Variants in CPPED1 observed in about 807,000 individuals in gnomAD.
CPPED1 encodes calcineurin like phosphoesterase domain containing 1, also known as serine/threonine-protein phosphatase CPPED1.
CPPED1 carries 28 observed loss-of-function variants against 28.0 expected under a neutral mutation model. That is an observed-to-expected ratio of 1.00 (90% confidence interval 0.74 to 1.37). The LOEUF is 1.37. Among genes scored for constraint, CPPED1 ranks in the 40% most tolerant of loss-of-function variants. CPPED1 has a pLI of 0.00. For missense variants in CPPED1, 504 were observed against 416.5 expected, an observed-to-expected ratio of 1.21 and a Z score of -1.83; for synonymous variants, 198 against 180.2, an observed-to-expected ratio of 1.10 and a Z score of -0.79.
At chr16:12,716,752 C>T (rs957237685) in intron 2 of CPPED1, among the ~76,000 whole-genome samples, 1 of 152,198 alleles carries the variant, frequency 6.6e-6, no homozygotes, top group African/African-American at 2.4e-5. Flanking sequence ...TTCAGGTAGG[C>T]ATTTATTCAA....
chr16:12,801,913 G>C (rs1024849459), intron 1 of CPPED1, among the ~76,000 whole-genome samples: 3 of 152,162 alleles, frequency 2.0e-5, no homozygotes, highest in African/African-American at 7.2e-5. Flanking sequence ...CAGAACTAGA[G>C]AGAATGAGGA....
Position 12,663,150 on chromosome 16 carries a change from C to G in CPPED1, c.*1736G>C, listed in dbSNP as rs145170969. On this transcript the variant is annotated 3_prime_UTR_variant, in exon 4 of 4. Transcript: ENST00000381774. ...GATCTTGGCTCACTGCAACCTCTGCCTCCTGAGTTCCAGCGATCTCCTGCC... is the reference window on the plus strand; with the variant it reads ...GATCTTGGCTCACTGCAACCTCTGCGTCCTGAGTTCCAGCGATCTCCTGCC... 5.3e-5 allele frequency: 8 copies of G among 151,988 alleles called. No homozygotes were observed. The highest frequency in any genetic ancestry group is 1.2e-4 in the Non-Finnish European group (8 of 68,124). 9.4% of individuals were successfully genotyped at this position (151,988 alleles called of 1,614,324 possible).
intron 2 of CPPED1, among the ~76,000 whole-genome samples, chr16:12,733,386 T>C (rs1055583849): frequency 6.6e-6 from 1 of 151,654 alleles, no homozygotes; most frequent in Admixed American, 6.6e-5. Flanking sequence ...GAGATTCTCA[T>C]GCCTCAGTCT....
At chr16:12,790,263 T>G (rs917735839) in intron 1 of CPPED1, among the ~76,000 whole-genome samples, 16 of 152,236 alleles carry the variant, frequency 1.1e-4, no homozygotes, top group African/African-American at 3.9e-4. Context: ...AATGTTTTCT[T>G]GGATTTGTCT....
chr16:12,703,858 G>C (rs2080033484), intron 3 of CPPED1, among the ~76,000 whole-genome samples: 2 of 152,154 alleles, frequency 1.3e-5, no homozygotes, highest in South Asian at 4.1e-4. Flanking sequence ...AAAGATAAAG[G>C]AGGTGGGTGG....
At chr16:12,715,151 A>C (rs2080100818) in intron 2 of CPPED1, among the ~76,000 whole-genome samples, 3 of 152,242 alleles carry the variant, frequency 2.0e-5, no homozygotes, top group Middle Eastern at 3.4e-3. Context: ...ATTAATCTCT[A>C]TGTTTATCTT....
intron 2 of CPPED1, chr16:12,753,781 C>T (rs988888415): frequency 3.3e-5 from 5 of 152,102 alleles, no homozygotes; most frequent in African/African-American, 1.2e-4. Context: ...CTACAGGAGC[C>T]CCCTCTCATT....
intron 1 of CPPED1, among the ~76,000 whole-genome samples, chr16:12,786,544 C>A (rs554669373): frequency 6.6e-6 from 1 of 152,176 alleles, no homozygotes; most frequent in African/African-American, 2.4e-5. Context: ...CTAAATATTT[C>A]TTATTTCTCT....
chr16:12,703,143 G>C (rs2080029361), intron 3 of CPPED1, among the ~76,000 whole-genome samples: 1 of 152,102 alleles, frequency 6.6e-6, no homozygotes. Context: ...TTGACGCTTT[G>C]TTTCCTTGTC....
At chr16:12,762,732 T>A (rs1596476035) in intron 2 of CPPED1, among the ~76,000 whole-genome samples, 1 of 152,204 alleles carries the variant, frequency 6.6e-6, no homozygotes, top group East Asian at 1.9e-4. Flanking sequence ...AGTTTCTTTC[T>A]GGGTTGATAA....
At chr16:12,688,730 T>C (rs1200740447) in intron 3 of CPPED1, among the ~76,000 whole-genome samples, 1 of 152,202 alleles carries the variant, frequency 6.6e-6, no homozygotes, top group Non-Finnish European at 1.5e-5. Flanking sequence ...GGGCCGATGC[T>C]TACTCCACCT....
At chr16:12,744,260 G>A (rs935947053) in intron 2 of CPPED1, among the ~76,000 whole-genome samples, 5 of 118,394 alleles carry the variant, frequency 4.2e-5, no homozygotes, top group Non-Finnish European at 7.0e-5. Flanking sequence ...GACAGAGCAA[G>A]ACTCTGTGAA....
chr16:12,724,227 C>A (rs1042633397), intron 2 of CPPED1, among the ~76,000 whole-genome samples: 1 of 152,124 alleles, frequency 6.6e-6, no homozygotes, highest in Non-Finnish European at 1.5e-5. Flanking sequence ...AAGACGTCCC[C>A]GAACTCACAG....
chr16:12,791,400 C>T lies in CPPED1; in HGVS notation c.71-9997G>A, dbSNP rs183308790. Among the ~76,000 whole-genome samples the T allele has an allele frequency of 7.2e-5, 11 of 152,254 alleles. No homozygotes were observed. In the East Asian group the frequency reaches 1.9e-3, roughly 27 times the overall value. On this transcript the variant is annotated intron_variant, in intron 1 of 3. Coordinates refer to ENST00000381774, the MANE Select transcript of CPPED1 (RefSeq NM_018340.3). The stretch of plus-strand genomic sequence containing the variant: ...TCCCTGCAAAGGACATGAGCTCATT[C>T]TTTTCTATGGCTGCACATCTTTCTT...
In CPPED1 at chr16:12,709,819, A is replaced by C. The variant is rs2080070299; in HGVS notation, c.290-4770T>G. Among the ~76,000 whole-genome samples the C allele has an allele frequency of 6.6e-6, 1 of 151,954 alleles. No individual in the cohort carries two copies. Among genetic ancestry groups the C allele is most frequent in the Admixed American group, 6.6e-5 (1 of 15,232 alleles). On this transcript the variant is annotated intron_variant, in intron 2 of 3. Coordinates refer to ENST00000381774, the MANE Select transcript of CPPED1 (RefSeq NM_018340.3). This position sits in a 1 kb window ranked among gnomAD's most constrained non-coding sequence, Gnocchi z 4.4. ...CAAGGAAGTCTGCTCTCACACTCTC[A>C]CTGAACATCATACTAGAAATCCTAG...
chr16:12,792,915 T>C (rs1041873943), intron 1 of CPPED1, among the ~76,000 whole-genome samples: 1 of 152,172 alleles, frequency 6.6e-6, no homozygotes, highest in Non-Finnish European at 1.5e-5. Context: ...ATTAGCAGCA[T>C]GAGAACGGAT....
chr16:12,704,273 C>T (rs1356634005), intron 3 of CPPED1, among the ~76,000 whole-genome samples: 1 of 152,200 alleles, frequency 6.6e-6, no homozygotes, highest in Non-Finnish European at 1.5e-5. Context: ...CCCCAATAAA[C>T]CCCTCCTGCC....
chr16:12,765,402 G>T (rs74700011), intron 2 of CPPED1, among the ~76,000 whole-genome samples: 1 of 152,200 alleles, frequency 6.6e-6, no homozygotes, highest in Non-Finnish European at 1.5e-5. Context: ...AACTCTTGTT[G>T]AATCTGTACT....
chr16:12,757,156 A>C (rs2080375603), intron 2 of CPPED1, among the ~76,000 whole-genome samples: 1 of 151,962 alleles, frequency 6.6e-6, no homozygotes, highest in Non-Finnish European at 1.5e-5. Context: ...TAGCACCTCG[A>C]GGGTGACCAA....
Sources: gnomAD v4.1 joint callset for allele counts (sites outside exome capture counted in the v4.1 genomes callset) on GRCh38, gnomAD v4.1.1 for gene constraint, Gnocchi (gnomAD v3.1) non-coding constraint, MANE v1.5 for transcripts, NCBI Gene and HGNC (gene_info 2026-07-23, HGNC 2026-07-21) for gene names.